Variants in ZC3H3 observed in about 807,000 individuals in gnomAD.
The protein encoded by ZC3H3 is zinc finger CCCH domain-containing protein 3.
In ZC3H3, 36 loss-of-function variants were observed where a neutral mutation model predicts 77.3. That is an observed-to-expected ratio of 0.47 (90% confidence interval 0.36 to 0.61). ZC3H3 has a LOEUF of 0.61. Ranked by LOEUF, ZC3H3 falls within the 20% of genes least tolerant of loss-of-function variation. ZC3H3 has a pLI of 0.00. For missense variants in ZC3H3, 1,331 were observed against 1,312.2 expected (o/e 1.01, Z -0.22); for synonymous variants, 626 against 555.2 (o/e 1.13, Z -1.79).
chr8:143,486,282 C>A (rs11778113), intron 4 of ZC3H3, among the ~76,000 whole-genome samples: 20,333 of 152,286 alleles, frequency 0.13, 1,468 homozygotes, highest in Admixed American at 0.19. Context: ...TGCCTGGCTG[C>A]TGCCATGGAA....
At chr8:143,486,279 CT>C (rs1821050407) in intron 4 of ZC3H3, among the ~76,000 whole-genome samples, 1 of 152,276 alleles carries the variant, frequency 6.6e-6, no homozygotes, top group Admixed American at 6.5e-5. Flanking sequence ...GGCTGCCTGG[CT>C]GCTGCCATGG....
chr8:143,463,167 T>C (rs1313442013), intron 9 of ZC3H3, among the ~76,000 whole-genome samples: 1 of 152,164 alleles, frequency 6.6e-6, no homozygotes, highest in African/African-American at 2.4e-5. Context: ...GTATTTTTAG[T>C]AGAGATGGGG....
chr8:143,491,694 C>T (rs563432754), intron 4 of ZC3H3, among the ~76,000 whole-genome samples: 252 of 152,358 alleles, frequency 1.7e-3, no homozygotes, highest in African/African-American at 5.3e-3. Flanking sequence ...CCCAGCAGGC[C>T]ATGCTCTCAC....
chr8:143,516,904 G>A (rs1202451968), intron 3 of ZC3H3, among the ~76,000 whole-genome samples: 1 of 152,244 alleles, frequency 6.6e-6, no homozygotes, highest in Non-Finnish European at 1.5e-5. Flanking sequence ...CATCCGCAGT[G>A]CAGTCTGAGG....
At chr8:143,519,155 G>C (rs1366090672) in intron 3 of ZC3H3, among the ~76,000 whole-genome samples, 1 of 152,212 alleles carries the variant, frequency 6.6e-6, no homozygotes, top group Non-Finnish European at 1.5e-5. Flanking sequence ...GTGTGCTGAC[G>C]GCTGACTGGG....
Position 143,468,416 on chromosome 8 carries a change from T to C in ZC3H3, c.2071A>G (p.Ile691Val), listed in dbSNP as rs1409305056. Residue 691 changes from isoleucine (I) to valine (V), a missense_variant, in exon 7 of 12, where the codon ATC becomes GTC. Physicochemically the swap from Ile to Val is conservative, Grantham distance 29. Around this residue, in one of 3 missense-constraint regions of ZC3H3, gnomAD observed 104 missense variants for 159.7 expected, o/e 0.65. Transcript: ENST00000262577. ...ACGGCCACCTTCTCGGGATCGTGGA[T>C]GTAGGGGCAGCGCTCGCCACGGTTG... Reference protein sequence around the residue: ...RCNRGERCPYIHDPEKVAVCT... With the variant: ...RCNRGERCPYVHDPEKVAVCT... The C allele has an allele frequency of 6.2e-7, 1 of 1,612,428 alleles. No individual in the cohort carries two copies. Among genetic ancestry groups the C allele is most frequent in the Admixed American group, 1.7e-5 (1 of 59,948 alleles).
At chr8:143,479,785 C>T (rs1820857051) in intron 4 of ZC3H3, among the ~76,000 whole-genome samples, 1 of 152,196 alleles carries the variant, frequency 6.6e-6, no homozygotes, top group African/African-American at 2.4e-5. Context: ...GGCTGGGCCT[C>T]CCCTCTCCTC....
chr8:143,514,932 G>A (rs116081800), intron 3 of ZC3H3, among the ~76,000 whole-genome samples: 96 of 152,336 alleles, frequency 6.3e-4, no homozygotes, highest in African/African-American at 2.2e-3. Context: ...CCCGGCCGCC[G>A]CATCTGCTGT....
intron 4 of ZC3H3, among the ~76,000 whole-genome samples, chr8:143,504,121 G>A (rs749229668): frequency 1.3e-5 from 2 of 152,200 alleles, no homozygotes; most frequent in African/African-American, 4.8e-5. Context: ...CCAGAGGAGG[G>A]AACAGGCCTA....
rs943766236 is a variant in ZC3H3, at chr8:143,457,244, A to T, written c.2307+8473T>A. 2.0e-5 allele frequency among the ~76,000 whole-genome samples: 3 copies of T among 152,234 alleles called. No individual in the cohort carries two copies. The South Asian group carries it at 6.2e-4, about 32-fold the overall frequency. On this transcript the variant is annotated intron_variant, in intron 9 of 11. Coordinates refer to ENST00000262577, the MANE Select transcript of ZC3H3 (RefSeq NM_015117.3). ...ATTAAAATCTGTATGATTTTAATCA[A>T]TACAGATCGAACTAGAAATCAATGA...
chr8:143,522,096 G>A (rs1239565991), intron 3 of ZC3H3, among the ~76,000 whole-genome samples: 1 of 152,182 alleles, frequency 6.6e-6, no homozygotes, highest in Non-Finnish European at 1.5e-5. Flanking sequence ...GCCCCCTGAC[G>A]CCTGGTCCTC....
chr8:143,493,237 G>C lies in ZC3H3; in HGVS notation c.1715+14509C>G, dbSNP rs1392937649. On this transcript the variant is annotated intron_variant, in intron 4 of 11. Transcript: ENST00000262577. This position sits in a 1 kb window ranked among gnomAD's most constrained non-coding sequence, Gnocchi z 4.8. Reference sequence around the variant, plus strand: ...CCAGGGGCTCCCTCCTCAGGGTCCTGTGTCCTGGCCCAGATCTGCCCTGCC... The same window carrying C: ...CCAGGGGCTCCCTCCTCAGGGTCCTCTGTCCTGGCCCAGATCTGCCCTGCC... Among the ~76,000 whole-genome samples, 1 of 152,238 alleles carries C rather than the reference G, an allele frequency of 6.6e-6. No homozygotes were observed. The highest frequency in any genetic ancestry group is 1.9e-4 in the East Asian group (1 of 5,198).
At chr8:143,491,790 T>G (rs1586919772) in intron 4 of ZC3H3, among the ~76,000 whole-genome samples, 1 of 152,214 alleles carries the variant, frequency 6.6e-6, no homozygotes, top group Non-Finnish European at 1.5e-5. Flanking sequence ...GGGTGCAGGG[T>G]GGGCCCTAGA....
At chr8:143,524,371 A>G (rs1822344044) in intron 3 of ZC3H3, among the ~76,000 whole-genome samples, 1 of 152,222 alleles carries the variant, frequency 6.6e-6, no homozygotes, top group South Asian at 2.1e-4. Flanking sequence ...GACATGTGCC[A>G]TGCTCTGCTA....
chr8:143,467,719 G>T (rs980454744), intron 8 of ZC3H3, among the ~76,000 whole-genome samples: 1 of 152,154 alleles, frequency 6.6e-6, no homozygotes, highest in Non-Finnish European at 1.5e-5. Context: ...GTTTCAGGCC[G>T]CGGGGACAAC....
At chr8:143,509,491 G>A (rs188317836) in intron 3 of ZC3H3, among the ~76,000 whole-genome samples, 29 of 152,296 alleles carry the variant, frequency 1.9e-4, no homozygotes, top group African/African-American at 6.3e-4. Context: ...GCCAGCCATG[G>A]GGCCGGGCCT....
chr8:143,520,705 C>G (rs993971480), intron 3 of ZC3H3, among the ~76,000 whole-genome samples: 1 of 152,178 alleles, frequency 6.6e-6, no homozygotes, highest in Non-Finnish European at 1.5e-5. Flanking sequence ...GCGTCCACCT[C>G]GAGACACCCC....
At chr8:143,442,898 C>G (rs574524698) in intron 9 of ZC3H3, among the ~76,000 whole-genome samples, 1 of 152,198 alleles carries the variant, frequency 6.6e-6, no homozygotes, top group Non-Finnish European at 1.5e-5. Context: ...CTGAAATTCA[C>G]AAATGACTCA....
chr8:143,529,253 G>A (rs1563882544), intron 3 of ZC3H3, among the ~76,000 whole-genome samples: 1 of 152,196 alleles, frequency 6.6e-6, no homozygotes, highest in Non-Finnish European at 1.5e-5. Context: ...AGAAGCCGCT[G>A]GGGACAGAGG....
Sources: allele counts gnomAD v4.1 joint callset (sites outside exome capture counted in the v4.1 genomes callset), GRCh38; gene constraint gnomAD v4.1.1; regional missense constraint gnomAD v4.1.1; non-coding constraint Gnocchi (gnomAD v3.1); transcripts MANE v1.5; gene names NCBI Gene and HGNC (gene_info 2026-07-23, HGNC 2026-07-21).